LINGO2: variants seen among roughly 807,000 people sequenced by gnomAD.
LINGO2 encodes leucine rich repeat and Ig domain containing 2.
A neutral mutation model predicts 30.6 loss-of-function variants in LINGO2; 14 were observed. The ratio of observed to expected loss-of-function variants is 0.46; its 90% CI spans 0.30 to 0.72. The LOEUF (loss-of-function observed/expected upper bound fraction) is 0.72. Among genes scored for constraint, LINGO2 ranks in the 30% least tolerant of loss-of-function variants. The probability of loss-of-function intolerance (pLI) is 0.07; values close to 1 mark genes in which losing one functional copy is unlikely to be tolerated. For missense variants in LINGO2, 729 were observed against 751.7 expected (o/e 0.97, Z 0.35); for synonymous variants, 317 against 288.5 (o/e 1.10, Z -1.00).
chr9:28,535,663 G>A (rs976945856), intron 1 of LINGO2, among the ~76,000 whole-genome samples: 1 of 151,640 alleles, frequency 6.6e-6, no homozygotes, highest in Admixed American at 6.6e-5. Context: ...ACATCCATGT[G>A]CACACACACA....
chr9:28,224,563 A>G (rs1821082641), intron 4 of LINGO2, among the ~76,000 whole-genome samples: 1 of 152,186 alleles, frequency 6.6e-6, no homozygotes, highest in South Asian at 2.1e-4. Context: ...ATAGATTATG[A>G]TTCACTGAAG....
chr9:28,941,839 C>A, the LINGO2 span, among the ~76,000 whole-genome samples: 1 of 151,968 alleles, frequency 6.6e-6, no homozygotes, highest in East Asian at 1.9e-4. Flanking sequence ...CAGAGGAAAT[C>A]CAAAAGAAGA....
At chr9:28,835,856 A>G in the LINGO2 span, among the ~76,000 whole-genome samples, 1 of 151,938 alleles carries the variant, frequency 6.6e-6, no homozygotes, top group East Asian at 1.9e-4. Flanking sequence ...TACAGTCCCC[A>G]TTTTCTTTCT....
In LINGO2 at chr9:28,627,184, A is replaced by C. The variant is rs780064414; in HGVS notation, c.-365+43016T>G. On this transcript the variant is annotated intron_variant, in intron 1 of 5. Coordinates refer to ENST00000379992, the Ensembl canonical transcript of LINGO2. ...TGTTTAGCTCTGATGCAAAGATGAA[A>C]CATTTCTGTACTTTCTACAAGATGT... Among the ~76,000 whole-genome samples, 52 of 152,060 alleles carry C rather than the reference A, an allele frequency of 3.4e-4. 1 individual carries two copies. Among genetic ancestry groups the C allele is most frequent in the Non-Finnish European group, 7.2e-4 (49 of 67,922 alleles).
At chr9:28,553,391 G>C (rs1026657915) in intron 1 of LINGO2, among the ~76,000 whole-genome samples, 2 of 151,936 alleles carry the variant, frequency 1.3e-5, no homozygotes, top group Non-Finnish European at 2.9e-5. Context: ...TGGAAGAAAG[G>C]GTATCAGCAA....
chr9:28,203,158 A>G (rs1820295198), intron 4 of LINGO2, among the ~76,000 whole-genome samples: 1 of 152,224 alleles, frequency 6.6e-6, no homozygotes, highest in South Asian at 2.1e-4. Context: ...TAAATTACCT[A>G]ACATTAAGTG....
intron 1 of LINGO2, among the ~76,000 whole-genome samples, chr9:28,562,279 C>G (rs909592475): frequency 8.6e-5 from 13 of 151,802 alleles, no homozygotes; most frequent in African/African-American, 3.1e-4. Context: ...GATTAGAAAG[C>G]ATTGTTCTTT....
intron 4 of LINGO2, among the ~76,000 whole-genome samples, chr9:28,047,378 A>C (rs183522514): frequency 1.4e-5 from 2 of 140,952 alleles, no homozygotes; most frequent in African/African-American, 2.7e-5. Flanking sequence ...TCTACTAAAC[A>C]ACTGAGTTTT....
chr9:28,010,721 G>A (rs750491499), intron 5 of LINGO2, among the ~76,000 whole-genome samples: 1 of 152,234 alleles, frequency 6.6e-6, no homozygotes, highest in African/African-American at 2.4e-5. Flanking sequence ...GGGAGGCAGA[G>A]ATGGGAGGAT....
intron 1 of LINGO2, among the ~76,000 whole-genome samples, chr9:28,667,521 A>G (rs1828850527): frequency 6.6e-6 from 1 of 152,082 alleles, no homozygotes. Flanking sequence ...TGGCAAGTGG[A>G]TCATTTGAGG....
chr9:28,038,210 G>A (rs1174820959), intron 4 of LINGO2, among the ~76,000 whole-genome samples: 1 of 142,920 alleles, frequency 7.0e-6, no homozygotes, highest in Admixed American at 7.2e-5. Context: ...GACCATGCCA[G>A]GACAGTTATC....
intron 5 of LINGO2, among the ~76,000 whole-genome samples, chr9:27,997,373 T>G (rs1821719214): frequency 6.6e-6 from 1 of 152,124 alleles, no homozygotes; most frequent in Non-Finnish European, 1.5e-5. Flanking sequence ...CCCAGGTTAT[T>G]AAGCACTTTG....
intron 4 of LINGO2, among the ~76,000 whole-genome samples, chr9:28,120,176 C>A (rs1052313118): frequency 2.0e-5 from 3 of 152,098 alleles, no homozygotes; most frequent in Non-Finnish European, 1.5e-5. Flanking sequence ...ACCATAAAAG[C>A]CTCGGCTGCT....
chr9:28,328,822 C>A (rs542605007), intron 3 of LINGO2, among the ~76,000 whole-genome samples: 2 of 152,228 alleles, frequency 1.3e-5, no homozygotes, highest in Middle Eastern at 3.4e-3. Flanking sequence ...ATCTCAATAT[C>A]ATACATTGAT....
the LINGO2 span, among the ~76,000 whole-genome samples, chr9:28,893,242 A>G: frequency 6.6e-6 from 1 of 151,934 alleles, no homozygotes; most frequent in Non-Finnish European, 1.5e-5. Flanking sequence ...TTGGGACCGT[A>G]TTACCCATTG....
chr9:29,129,110 G>T, the LINGO2 span, among the ~76,000 whole-genome samples: 22,089 of 152,054 alleles, frequency 0.15, 1,868 homozygotes, highest in Non-Finnish European at 0.18. Flanking sequence ...AAATCATCTT[G>T]GTTTGCGTGC....
chr9:28,755,419 C>A, the LINGO2 span, among the ~76,000 whole-genome samples: 1,503 of 152,122 alleles, frequency 9.9e-3, 39 homozygotes, highest in African/African-American at 0.035. Flanking sequence ...TAACATTTTC[C>A]TCACAGGATT....
chr9:28,296,084 G>A (rs1823910376), intron 3 of LINGO2, among the ~76,000 whole-genome samples: 1 of 152,086 alleles, frequency 6.6e-6, no homozygotes, highest in African/African-American at 2.4e-5. Context: ...GCTAATTTGG[G>A]GGCAATGTAC....
Position 28,247,980 on chromosome 9 carries a change from A to G in LINGO2, c.-87+47228T>C, listed in dbSNP as rs553018568. Among the ~76,000 whole-genome samples, 3 of 152,286 alleles carry G rather than the reference A, an allele frequency of 2.0e-5. No individual in the cohort carries two copies. The South Asian group carries it at 6.2e-4, about 32-fold the overall frequency. ...TAACAAATGCCAGAGAGGATGTGGA[A>G]AAAAGGCAACCCTCATACACTGTTG... On this transcript the variant is annotated intron_variant, in intron 4 of 5. Transcript: ENST00000379992.
Sources: allele counts gnomAD v4.1 joint callset (sites outside exome capture counted in the v4.1 genomes callset), GRCh38; gene constraint gnomAD v4.1.1; transcripts MANE v1.5; gene names NCBI Gene and HGNC (gene_info 2026-07-23, HGNC 2026-07-21).